The following CRB1 variants were observed in gnomAD, a reference collection of about 807,000 sequenced individuals.
CRB1 encodes protein crumbs homolog 1.
In CRB1, 83 loss-of-function variants were observed where a neutral mutation model predicts 120.0. The ratio of observed to expected loss-of-function variants is 0.69; its 90% confidence interval spans 0.58 to 0.83. The LOEUF is 0.83. Among genes scored for constraint, CRB1 ranks in the 40% least tolerant of loss-of-function variants. The probability of loss-of-function intolerance (pLI) is 0.00; values close to 1 mark genes in which losing one functional copy is unlikely to be tolerated. For synonymous variants in CRB1, 625 were observed against 612.5 expected, an observed-to-expected ratio of 1.02 and a Z score of -0.30; for missense variants, 1,699 against 1,687.6, an observed-to-expected ratio of 1.01 and a Z score of -0.12.
At chr1:197,235,344 G>A in the CRB1 span, among the ~76,000 whole-genome samples, 1 of 152,268 alleles carries the variant, frequency 6.6e-6, no homozygotes, top group East Asian at 1.9e-4. Flanking sequence ...ATAGCAGTCA[G>A]AGAGAGAACT....
chr1:197,387,594 A>G (rs1488432681), intron 5 of CRB1, among the ~76,000 whole-genome samples: 1 of 152,064 alleles, frequency 6.6e-6, no homozygotes, highest in Non-Finnish European at 1.5e-5. Flanking sequence ...TGTATTATAA[A>G]TAATTTAATA....
intron 5 of CRB1, among the ~76,000 whole-genome samples, chr1:197,371,082 A>T (rs994883052): frequency 2.0e-5 from 3 of 152,112 alleles, no homozygotes; most frequent in Admixed American, 6.6e-5. Context: ...TTTTCCGTTG[A>T]GCCTAGTCTG....
intron 11 of CRB1, chr1:197,443,255 A>C (rs1332069138): frequency 6.6e-6 from 1 of 152,192 alleles, no homozygotes; most frequent in African/African-American, 2.4e-5. Flanking sequence ...AAGAGAAATC[A>C]GGAATTTACA....
chr1:197,429,343 T>A (rs1333497639), intron 7 of CRB1, 106 bp from the exon 8 acceptor site: 3 of 1,432,196 alleles, frequency 2.1e-6, no homozygotes, highest in Non-Finnish European at 2.9e-6. Context: ...AATGTAAAGA[T>A]GCAGGGAAAT....
At position 197,356,881 on chromosome 1, in the gene CRB1, C is replaced by A; in HGVS notation, c.1039C>A (p.Pro347Thr). 6.2e-6 allele frequency: 10 copies of A among 1,614,144 alleles called. No homozygotes were observed. The highest frequency in any genetic ancestry group is 8.5e-6 in the Non-Finnish European group (10 of 1,180,022). ...CGACCTCAATGAATGCAATAGTAACCCCTGCCAGTCCAATGGGGAATGTGT... is the reference window on the plus strand; with the variant it reads ...CGACCTCAATGAATGCAATAGTAACACCTGCCAGTCCAATGGGGAATGTGT... ...EIDLNECNSN[P>T]CQSNGECVEL... Residue 347 changes from proline to threonine, a missense_variant, in exon 5 of 12, where the codon CCC (proline) becomes ACC (threonine). Transcript: ENST00000367400.
At chr1:197,374,564 AG>A (rs1355226633) in intron 5 of CRB1, among the ~76,000 whole-genome samples, 1 of 152,234 alleles carries the variant, frequency 6.6e-6, no homozygotes, top group East Asian at 1.9e-4. Flanking sequence ...TTCTTCTTAA[AG>A]AAGTTGATGT....
At chr1:197,288,882 A>G (rs1655994348) in intron 1 of CRB1, among the ~76,000 whole-genome samples, 1 of 151,698 alleles carries the variant, frequency 6.6e-6, no homozygotes, top group South Asian at 2.1e-4. Flanking sequence ...GCAAAATTGG[A>G]CTCCCTGAAA....
At chr1:197,291,318 G>A (rs974685069) in intron 1 of CRB1, among the ~76,000 whole-genome samples, 7 of 151,778 alleles carry the variant, frequency 4.6e-5, no homozygotes, top group African/African-American at 1.4e-4. Flanking sequence ...ATTCAACACT[G>A]TGGGATAATA....
chr1:197,326,308 G>T (rs958427942), intron 1 of CRB1, among the ~76,000 whole-genome samples: 7 of 152,242 alleles, frequency 4.6e-5, no homozygotes, highest in African/African-American at 7.2e-5. Context: ...GCTGAGCCAA[G>T]AATTTAAATG....
the CRB1 span, among the ~76,000 whole-genome samples, chr1:197,255,322 G>A: frequency 6.6e-6 from 1 of 151,934 alleles, no homozygotes; most frequent in African/African-American, 2.4e-5. Context: ...GATGCTTATT[G>A]TCTTGACTCC....
chr1:197,346,117 A>G (rs1234539909), intron 3 of CRB1, among the ~76,000 whole-genome samples: 1 of 152,194 alleles, frequency 6.6e-6, no homozygotes, highest in Non-Finnish European at 1.5e-5. Flanking sequence ...AAACTTTGCT[A>G]TCTTTTATTC....
chr1:197,459,998 C>A (rs961633222), intron 11 of CRB1, among the ~76,000 whole-genome samples: 1 of 51,900 alleles, frequency 1.9e-5, no homozygotes, highest in African/African-American at 4.2e-5. Flanking sequence ...TTTAAGCCCC[C>A]CTCTTTTTTT....
At chr1:197,326,583 A>G (rs551756884) in intron 1 of CRB1, among the ~76,000 whole-genome samples, 3 of 152,138 alleles carry the variant, frequency 2.0e-5, no homozygotes, top group African/African-American at 7.2e-5. Flanking sequence ...GTGAGCTGAG[A>G]TCATGCTACT....
the CRB1 span, among the ~76,000 whole-genome samples, chr1:197,224,878 A>G: frequency 6.6e-6 from 1 of 152,122 alleles, no homozygotes; most frequent in African/African-American, 2.4e-5. Flanking sequence ...TAAGCATAAA[A>G]CTAACATACA....
chr1:197,465,421 C>A (rs1571620748), intron 11 of CRB1, among the ~76,000 whole-genome samples: 1 of 152,072 alleles, frequency 6.6e-6, no homozygotes, highest in East Asian at 1.9e-4. Flanking sequence ...AACTTTAAAA[C>A]CTATAGACTT....
Position 197,477,663 on chromosome 1 carries a change from G to A in CRB1, c.4006-1G>A, listed in dbSNP as rs752804194. The A allele has an allele frequency of 1.1e-5, 17 of 1,613,358 alleles. No homozygotes were observed. Among genetic ancestry groups the A allele is most frequent in the Non-Finnish European group, 1.4e-5 (17 of 1,179,472 alleles). On this transcript the variant is annotated splice_acceptor_variant, in intron 11 of 11. Transcript: ENST00000367400. LOFTEE classifies it high-confidence loss of function. ...CATCCCAATGATTTCAATCTTTCCA[G>A]TTGGCAGATGACTTGATCTCCGACA...
chr1:197,357,197 G>C (rs926735954), intron 5 of CRB1, 184 bp downstream of exon 5: 4 of 687,102 alleles, frequency 5.8e-6, no homozygotes, highest in South Asian at 4.8e-5. Context: ...CTCAAATCAC[G>C]AGAGAAATAT....
At chr1:197,384,165 T>C (rs1662095957) in intron 5 of CRB1, among the ~76,000 whole-genome samples, 1 of 152,164 alleles carries the variant, frequency 6.6e-6, no homozygotes. Context: ...CTGAATCTTC[T>C]AAAAAATCCT....
the CRB1 span, among the ~76,000 whole-genome samples, chr1:197,225,090 G>A: frequency 4.1e-3 from 623 of 151,626 alleles, 2 homozygotes; most frequent in Middle Eastern, 6.8e-3. Flanking sequence ...CAACAAATAG[G>A]TATCATTTTC....
Sources: gnomAD v4.1 joint callset for allele counts (sites outside exome capture counted in the v4.1 genomes callset) on GRCh38, gnomAD v4.1.1 for gene constraint, MANE v1.5 for transcripts, NCBI Gene and HGNC (gene_info 2026-07-23, HGNC 2026-07-21) for gene names.